CNTRL: variants seen among roughly 807,000 people sequenced by gnomAD.
The protein encoded by CNTRL is centriolin.
A neutral mutation model predicts 303.7 loss-of-function variants in CNTRL; 233 were observed. The ratio of observed to expected loss-of-function variants is 0.77; its 90% CI spans 0.69 to 0.86. CNTRL has a LOEUF of 0.86. Ranked by LOEUF, CNTRL falls within the 40% of genes least tolerant of loss-of-function variation. The pLI, the probability that CNTRL is intolerant of heterozygous loss-of-function variation, is 0.00. For missense variants in CNTRL, 2,524 were observed against 2,650.6 expected (o/e 0.95, Z 1.05); for synonymous variants, 900 against 922.2 (o/e 0.98, Z 0.44).
At chr9:121,084,159 G>A (rs2048254462) in intron 2 of CNTRL, among the ~76,000 whole-genome samples, 1 of 151,960 alleles carries the variant, frequency 6.6e-6, no homozygotes, top group African/African-American at 2.4e-5. Context: ...AGCAAAGATA[G>A]CATCATTATT....
intron 43 of CNTRL, 38 bp from the exon 44 acceptor site, chr9:121,177,125 C>G (rs970610244): frequency 1.3e-6 from 2 of 1,584,686 alleles, no homozygotes; most frequent in Non-Finnish European, 8.7e-7. Context: ...TTTACTGTTT[C>G]AAGAATTTGA....
intron 11 of CNTRL, among the ~76,000 whole-genome samples, chr9:121,117,084 TTAA>T (rs768603771): frequency 6.6e-5 from 10 of 152,202 alleles, no homozygotes; most frequent in Non-Finnish European, 1.3e-4. Flanking sequence ...CAGTTAATAA[TTAA>T]TAATAAAGTT....
At chr9:121,124,210 G>T in intron 13 of CNTRL, 126 bp downstream of exon 13, 1 of 824,856 alleles carries the variant, frequency 1.2e-6, no homozygotes, top group South Asian at 2.5e-5. Flanking sequence ...TATTTGATAG[G>T]GAAATATTTA....
At chr9:121,112,610 G>A in intron 9 of CNTRL, 32 bp downstream of exon 9, 1 of 1,606,484 alleles carries the variant, frequency 6.2e-7, no homozygotes, top group Non-Finnish European at 8.5e-7. Context: ...GTAATCCAAA[G>A]TTAAAGCCCA....
At chr9:121,160,328 C>A in intron 32 of CNTRL, 26 bp downstream of exon 32, 2 of 1,421,416 alleles carry the variant, frequency 1.4e-6, no homozygotes, top group South Asian at 1.7e-5. Context: ...AACAATCATA[C>A]AAAGTTTGAG....
At chr9:121,075,725 G>A (rs2047896056) in intron 1 of CNTRL, among the ~76,000 whole-genome samples, 1 of 152,052 alleles carries the variant, frequency 6.6e-6, no homozygotes, top group Non-Finnish European at 1.5e-5. Context: ...ATCATTTTTG[G>A]GTGTTCACTA....
chr9:121,166,034 T>G (rs976274300), intron 35 of CNTRL, 73 bp from the exon 36 acceptor site: 5 of 1,135,320 alleles, frequency 4.4e-6, no homozygotes, highest in African/African-American at 3.2e-5. Flanking sequence ...CTCTACTTTT[T>G]GGGAATGCTA....
intron 7 of CNTRL, among the ~76,000 whole-genome samples, chr9:121,107,396 G>C (rs956202972): frequency 6.6e-6 from 1 of 152,166 alleles, no homozygotes; most frequent in Non-Finnish European, 1.5e-5. Context: ...AAGCCTTTTG[G>C]ATCTTATCCT....
intron 7 of CNTRL, among the ~76,000 whole-genome samples, chr9:121,103,622 A>G (rs1356745556): frequency 6.6e-6 from 1 of 152,244 alleles, no homozygotes; most frequent in Non-Finnish European, 1.5e-5. Flanking sequence ...AACCTACAGA[A>G]TGGGAGAAAA....
In CNTRL at chr9:121,115,113, G is replaced by T. The variant is rs374498529; in HGVS notation, c.1368G>T (p.Leu456=). 7.5e-6 allele frequency: 12 copies of T among 1,607,898 alleles called. No homozygotes were observed. In the Admixed American group the frequency reaches 1.9e-4, roughly 25 times the overall value. The change falls in exon 11 of 44, where the codon CTG becomes CTT. Residue 456 remains leucine (L), a synonymous_variant. Coordinates refer to ENST00000373855, the MANE Select transcript of CNTRL (RefSeq NM_007018.6). ...CAGCACAAACTCGACTATCAGAACTGCATGATGAAATAGAAAAGGCAGAAC... is the reference window on the plus strand; with the variant it reads ...CAGCACAAACTCGACTATCAGAACTTCATGATGAAATAGAAAAGGCAGAAC... ...ISAAQTRLSE[L]HDEIEKAEQQ...
At chr9:121,143,723 A>C (rs1407912) in intron 19 of CNTRL, among the ~76,000 whole-genome samples, 180 bp from the exon 20 acceptor site, 90,891 of 152,034 alleles carry the variant, frequency 0.6, 29,350 homozygotes, top group South Asian at 0.9. Context: ...AAGACCTAGT[A>C]CAAGTTTCTC....
At chr9:121,085,031 A>G (rs374723393) in intron 2 of CNTRL, among the ~76,000 whole-genome samples, 1 of 152,378 alleles carries the variant, frequency 6.6e-6, no homozygotes, top group African/African-American at 2.4e-5. Flanking sequence ...CTATACTTCA[A>G]TAAAATTGAT....
intron 8 of CNTRL, among the ~76,000 whole-genome samples, chr9:121,108,761 C>T (rs956605688): frequency 6.6e-6 from 1 of 151,826 alleles, no homozygotes; most frequent in African/African-American, 2.4e-5. Flanking sequence ...TAATGAGACC[C>T]TGTCTCTACA....
intron 7 of CNTRL, among the ~76,000 whole-genome samples, chr9:121,101,493 A>G (rs545010317): frequency 6.6e-6 from 1 of 152,372 alleles, no homozygotes; most frequent in South Asian, 2.1e-4. Flanking sequence ...TAAAAGAACT[A>G]GAGAAGCAAG....
chr9:121,098,327 T>G (rs1006910628), intron 6 of CNTRL, 59 bp from the exon 7 acceptor site: 2 of 1,272,774 alleles, frequency 1.6e-6, no homozygotes, highest in Non-Finnish European at 2.2e-6. Flanking sequence ...GTAACTTCCT[T>G]TAAGTATGTT....
chr9:121,117,522 C>A (rs932460739), intron 11 of CNTRL, among the ~76,000 whole-genome samples: 1 of 152,136 alleles, frequency 6.6e-6, no homozygotes, highest in African/African-American at 2.4e-5. Context: ...GTAACTGTAG[C>A]GTAGTAGTCA....
At chr9:121,124,127 TG>T in intron 13 of CNTRL, 43 bp downstream of exon 13, 2 of 1,516,828 alleles carry the variant, frequency 1.3e-6, no homozygotes, top group Non-Finnish European at 1.8e-6. Flanking sequence ...GTGTTATTGC[TG>T]GTAAAAGAAA....
chr9:121,091,141 C>T (rs2132317222), intron 4 of CNTRL, among the ~76,000 whole-genome samples: 2 of 152,300 alleles, frequency 1.3e-5, no homozygotes, highest in East Asian at 3.9e-4. Flanking sequence ...TGGGTGGGGA[C>T]ACAGCTAAAC....
chr9:121,090,542 A>T, intron 4 of CNTRL, 137 bp downstream of exon 4: 1 of 768,314 alleles, frequency 1.3e-6, no homozygotes, highest in Non-Finnish European at 2.0e-6. Flanking sequence ...TCTAAATCAG[A>T]AGTATATGAC....
Sources: gnomAD v4.1 joint callset for allele counts (sites outside exome capture counted in the v4.1 genomes callset) on GRCh38, gnomAD v4.1.1 for gene constraint, MANE v1.5 for transcripts, NCBI Gene and HGNC (gene_info 2026-07-23, HGNC 2026-07-21) for gene names.